The following NBAS variants were observed in gnomAD, a reference collection of about 807,000 sequenced individuals.
NBAS encodes the protein NBAS subunit of NRZ tethering complex, also known as NAG/BC035112 fusion.
Under a neutral mutation model 302.5 loss-of-function variants are expected in NBAS, and 219 were observed. That is an observed-to-expected ratio of 0.72 (90% confidence interval 0.65 to 0.81). The LOEUF (loss-of-function observed/expected upper bound fraction) is 0.81, where lower values mean the gene tolerates loss of function less well. Among genes scored for constraint, NBAS ranks in the 30% least tolerant of loss-of-function variants. The pLI is 0.00. For synonymous variants in NBAS, 1,118 were observed against 1,021.6 expected (o/e 1.09, Z -1.80); for missense variants, 2,932 against 2,841.6 (o/e 1.03, Z -0.72).
chr2:15,226,757 T>C (rs1667166896), intron 47 of NBAS, among the ~76,000 whole-genome samples: 2 of 152,192 alleles, frequency 1.3e-5, no homozygotes, highest in Non-Finnish European at 2.9e-5. Flanking sequence ...GAGAGCTTTT[T>C]GGGAGAGGCA....
chr2:14,783,150 ACTGGGTTTT>A, the NBAS span, among the ~76,000 whole-genome samples: 1 of 152,158 alleles, frequency 6.6e-6, no homozygotes, highest in African/African-American at 2.4e-5. Flanking sequence ...TAAAAATAAA[ACTGGGTTTT>A]CCACATTCAA....
intron 48 of NBAS, among the ~76,000 whole-genome samples, chr2:15,211,995 C>T (rs1399773826): frequency 1.1e-4 from 16 of 152,226 alleles, no homozygotes; most frequent in Non-Finnish European, 1.5e-5. Flanking sequence ...AAACTGGATT[C>T]TCCTCCTGCA....
At chr2:15,355,402 A>G (rs1673565431) in intron 33 of NBAS, among the ~76,000 whole-genome samples, 2 of 152,214 alleles carry the variant, frequency 1.3e-5, no homozygotes, top group African/African-American at 4.8e-5. Flanking sequence ...TCTACAATAA[A>G]ATCTGATTAT....
At chr2:14,954,751 AACTC>A in the NBAS span, among the ~76,000 whole-genome samples, 4 of 152,136 alleles carry the variant, frequency 2.6e-5, no homozygotes, top group Non-Finnish European at 5.9e-5. Context: ...ATTTCATGAG[AACTC>A]ACTCACTATC....
the NBAS span, among the ~76,000 whole-genome samples, chr2:15,023,671 G>A: frequency 2.0e-5 from 2 of 100,138 alleles, no homozygotes; most frequent in Non-Finnish European, 4.6e-5. Context: ...TTCCTTGAGA[G>A]TTAATTTAAA....
At chr2:14,902,019 C>T in the NBAS span, among the ~76,000 whole-genome samples, 4 of 152,242 alleles carry the variant, frequency 2.6e-5, no homozygotes, top group Non-Finnish European at 5.9e-5. Context: ...ATGAGTCACT[C>T]AAGCTGTCTT....
intron 9 of NBAS, among the ~76,000 whole-genome samples, chr2:15,514,359 T>C (rs2111451): frequency 0.51 from 77,098 of 152,032 alleles, 22,962 homozygotes; most frequent in Non-Finnish European, 0.67. Context: ...TCTGAATAAA[T>C]AGAAATATAA....
chr2:14,781,074 A>C, the NBAS span, among the ~76,000 whole-genome samples: 47 of 152,354 alleles, frequency 3.1e-4, no homozygotes, highest in African/African-American at 1.1e-3. Context: ...ATCCATGCAT[A>C]CTGGAAAATA....
chr2:14,945,867 G>C, the NBAS span, among the ~76,000 whole-genome samples: 1 of 152,194 alleles, frequency 6.6e-6, no homozygotes, highest in Non-Finnish European at 1.5e-5. Context: ...GATCACTTGA[G>C]GCCAGGAGTT....
chr2:15,134,056 T>TTCTCTCTCTC, the NBAS span, among the ~76,000 whole-genome samples: 29,018 of 145,236 alleles, frequency 0.2, 3,057 homozygotes, highest in Non-Finnish European at 0.24. Flanking sequence ...GAACATTTCT[T>TTCTCTCTCTC]TCTCTCTCTC....
At chr2:15,086,005 G>A in the NBAS span, among the ~76,000 whole-genome samples, 1 of 152,100 alleles carries the variant, frequency 6.6e-6, no homozygotes, top group African/African-American at 2.4e-5. Context: ...GAGGGAAGGG[G>A]TGGGGTCCCC....
intron 35 of NBAS, among the ~76,000 whole-genome samples, chr2:15,346,295 T>A (rs77344048): frequency 0.079 from 11,984 of 151,774 alleles, 602 homozygotes; most frequent in Non-Finnish European, 0.12. Flanking sequence ...ACAAGAAACT[T>A]AAACAAATTT....
the NBAS span, among the ~76,000 whole-genome samples, chr2:15,159,167 G>A: frequency 6.6e-6 from 1 of 152,138 alleles, no homozygotes; most frequent in Admixed American, 6.6e-5. Flanking sequence ...GGGACAGGGG[G>A]CCTTCGGTTT....
chr2:14,837,993 G>C, the NBAS span, among the ~76,000 whole-genome samples: 1 of 151,776 alleles, frequency 6.6e-6, no homozygotes, highest in Non-Finnish European at 1.5e-5. Context: ...AGAATGCCAT[G>C]TTGATATTCT....
chr2:15,402,774 C>A (rs2148430793), intron 25 of NBAS, among the ~76,000 whole-genome samples: 1 of 152,240 alleles, frequency 6.6e-6, no homozygotes, highest in South Asian at 2.1e-4. Flanking sequence ...CAAAAGAAAT[C>A]CAACTGTAAT....
intron 36 of NBAS, among the ~76,000 whole-genome samples, chr2:15,329,312 A>G (rs1287521706): frequency 6.6e-6 from 1 of 152,126 alleles, no homozygotes; most frequent in Non-Finnish European, 1.5e-5. Context: ...TGTTTGGACC[A>G]TTGTTCTTAG....
chr2:14,848,499 G>A, the NBAS span, among the ~76,000 whole-genome samples: 1 of 144,314 alleles, frequency 6.9e-6, no homozygotes, highest in Admixed American at 6.7e-5. Context: ...GAGGCTGGGG[G>A]AGGGGCGCCC....
At chr2:14,910,383 A>G in the NBAS span, among the ~76,000 whole-genome samples, 7 of 152,184 alleles carry the variant, frequency 4.6e-5, no homozygotes, top group Admixed American at 3.9e-4. Context: ...AGGAGTTTGC[A>G]CTACCCTAAG....
the NBAS span, among the ~76,000 whole-genome samples, chr2:14,822,539 C>G: frequency 2.0e-5 from 3 of 152,136 alleles, no homozygotes; most frequent in Non-Finnish European, 4.4e-5. Flanking sequence ...CTCCAAAGGT[C>G]ATGAACCCCA....
Sources: gnomAD v4.1 joint callset for allele counts (sites outside exome capture counted in the v4.1 genomes callset) on GRCh38, gnomAD v4.1.1 for gene constraint, MANE v1.5 for transcripts, NCBI Gene and HGNC (gene_info 2026-07-23, HGNC 2026-07-21) for gene names.